The following TENM1 variants were observed in gnomAD, a reference collection of about 807,000 sequenced individuals.
TENM1 encodes the protein teneurin-1.
Under a neutral mutation model 174.8 loss-of-function variants are expected in TENM1, and 35 were observed. The observed-to-expected ratio is 0.20, with a 90% CI of 0.15 to 0.27. The LOEUF is 0.27. Among genes scored for constraint, TENM1 ranks in the 10% least tolerant of loss-of-function variants. The pLI is 1.00. For synonymous variants in TENM1, 781 were observed against 798.7 expected (o/e 0.98, Z 0.37); for missense variants, 1,633 against 2,130.1 (o/e 0.77, Z 4.59).
At chrX:124,390,557 C>G (rs2060271912) in intron 28 of TENM1, among the ~76,000 whole-genome samples, 1 of 111,838 alleles carries the variant, frequency 8.9e-6, no homozygotes, top group Non-Finnish European at 1.9e-5. Context: ...TGAGTGCAAT[C>G]CTACGTATGC....
intron 3 of TENM1, among the ~76,000 whole-genome samples, chrX:124,787,540 A>G (rs773700480): frequency 9.8e-5 from 11 of 111,684 alleles, no homozygotes; most frequent in Non-Finnish European, 2.1e-4. Context: ...CATCAAAAAG[A>G]TGTTGGAAAG....
intron 4 of TENM1, among the ~76,000 whole-genome samples, chrX:124,726,207 G>A (rs2053439946): frequency 8.9e-6 from 1 of 112,461 alleles, no homozygotes; most frequent in Non-Finnish European, 1.9e-5. Context: ...CTATGGTGAA[G>A]CATTCTTTCC....
chrX:124,931,767 T>C (rs1272853304), intron 1 of TENM1, among the ~76,000 whole-genome samples: 2 of 110,812 alleles, frequency 1.8e-5, no homozygotes, highest in Non-Finnish European at 3.8e-5. Flanking sequence ...TTATGTGCTA[T>C]ATTAAAATGT....
chrX:125,065,914 T>G, the TENM1 span, among the ~76,000 whole-genome samples: 1 of 111,950 alleles, frequency 8.9e-6, no homozygotes, highest in Admixed American at 9.5e-5. Context: ...ATTCTTGATC[T>G]GATTTCAGCT....
At chrX:124,448,012 C>G (rs1319196240) in intron 23 of TENM1, among the ~76,000 whole-genome samples, 1 of 111,471 alleles carries the variant, frequency 9.0e-6, no homozygotes, top group Admixed American at 9.6e-5. Flanking sequence ...CAAACTGAAC[C>G]CATCATCCAA....
intron 22 of TENM1, among the ~76,000 whole-genome samples, chrX:124,475,828 C>T (rs947475632): frequency 1.8e-5 from 2 of 111,308 alleles, no homozygotes; most frequent in South Asian, 3.9e-4. Flanking sequence ...TTATCAAAAA[C>T]GCATGCACAA....
intron 3 of TENM1, among the ~76,000 whole-genome samples, chrX:124,795,530 T>TA: frequency 8.9e-6 from 1 of 111,752 alleles, no homozygotes; most frequent in East Asian, 2.8e-4. Flanking sequence ...TAGTGGTAAA[T>TA]ATGATGGTAA....
At chrX:124,672,432 A>G (rs758717317) in intron 5 of TENM1, among the ~76,000 whole-genome samples, 51 of 111,663 alleles carry the variant, frequency 4.6e-4, no homozygotes, top group African/African-American at 1.3e-3. Flanking sequence ...CAGAAGATTA[A>G]AAAGTACCCA....
At chrX:125,199,866 G>A in the TENM1 span, among the ~76,000 whole-genome samples, 1 of 111,528 alleles carries the variant, frequency 9.0e-6, no homozygotes, top group African/African-American at 3.3e-5. Context: ...TTCAGTCTAT[G>A]CCATCATATT....
intron 24 of TENM1, among the ~76,000 whole-genome samples, chrX:124,421,337 G>A (rs1039962696): frequency 1.8e-5 from 2 of 112,272 alleles, no homozygotes; most frequent in African/African-American, 3.2e-5. Context: ...TGCTTTGACC[G>A]AAAGATACAA....
chrX:124,698,259 A>G (rs1345105385), intron 5 of TENM1, among the ~76,000 whole-genome samples: 1 of 110,663 alleles, frequency 9.0e-6, no homozygotes, highest in African/African-American at 3.3e-5. Context: ...TGTTCTAGGT[A>G]TCTCTACCTG....
At chrX:124,820,039 G>A (rs1327816929) in intron 3 of TENM1, among the ~76,000 whole-genome samples, 4 of 110,358 alleles carry the variant, frequency 3.6e-5, no homozygotes, top group African/African-American at 1.3e-4. Flanking sequence ...CACCTACCTC[G>A]GCCTCCCAAA....
chrX:125,072,841 A>G, the TENM1 span, among the ~76,000 whole-genome samples: 1 of 111,809 alleles, frequency 8.9e-6, no homozygotes, highest in African/African-American at 3.2e-5. Context: ...CATTCACATA[A>G]TAATATTATG....
chrX:124,383,620 A>T lies in TENM1; in HGVS notation c.7297+14T>A, dbSNP rs145074520. On this transcript the variant is annotated intron_variant, in intron 30 of 31. Transcript: ENST00000422452. ...TACTCAAGTTTAGCTTAAAGTTTTA[A>T]ATAGTTTAAATACCTGTGGTATACT... 4 of 1,187,236 alleles carry T rather than the reference A, an allele frequency of 3.4e-6. No homozygotes were observed. In the South Asian group the frequency reaches 7.4e-5, roughly 22 times the overall value.
Position 124,788,371 on chromosome X carries a change from G to A in TENM1, c.536-51174C>T, listed in dbSNP as rs146645937. Among the ~76,000 whole-genome samples, 84 of 111,276 alleles carry A rather than the reference G, an allele frequency of 7.5e-4. No homozygotes were observed. The East Asian group carries it at 0.022, about 29-fold the overall frequency. ...CTGTACCTGGCCTCTCCCAAATCTC[G>A]TATTTTCACATTTCAAAACCAATCA... On this transcript the variant is annotated intron_variant, in intron 3 of 31. Coordinates refer to ENST00000422452, the Ensembl canonical transcript of TENM1.
At chrX:125,155,531 C>A in the TENM1 span, among the ~76,000 whole-genome samples, 1 of 104,563 alleles carries the variant, frequency 9.6e-6, no homozygotes, top group Non-Finnish European at 1.9e-5. Flanking sequence ...TGGCGCTCGT[C>A]GGGGAGACTC....
chrX:125,033,888 C>T, the TENM1 span, among the ~76,000 whole-genome samples: 1 of 111,876 alleles, frequency 8.9e-6, no homozygotes, highest in Non-Finnish European at 1.9e-5. Flanking sequence ...AATAACATGA[C>T]ATATTTTTAT....
chrX:124,980,455 A>T, the TENM1 span, among the ~76,000 whole-genome samples: 1 of 111,338 alleles, frequency 9.0e-6, no homozygotes, highest in Non-Finnish European at 1.9e-5. Context: ...AACCCATTGT[A>T]AAGCTGAAAA....
At position 124,497,011 on chromosome X, in the gene TENM1, C is replaced by T; in HGVS notation, c.3695+5G>A. On this transcript the variant is annotated splice_donor_5th_base_variant and intron_variant, in intron 20 of 31. Transcript: ENST00000422452. Reference sequence around the variant, plus strand: ...GCAAATATATAGAGATTAGAGAAGACTTACCTTAATTCCAAAATACTAACG... The same window carrying T: ...GCAAATATATAGAGATTAGAGAAGATTTACCTTAATTCCAAAATACTAACG... 1 of 1,208,526 alleles carries T rather than the reference C, an allele frequency of 8.3e-7. No individual in the cohort carries two copies. The highest frequency in any genetic ancestry group is 1.1e-6 in the Non-Finnish European group (1 of 893,108).
Sources: allele counts gnomAD v4.1 joint callset (sites outside exome capture counted in the v4.1 genomes callset), GRCh38; gene constraint gnomAD v4.1.1; transcripts MANE v1.5; gene names NCBI Gene and HGNC (gene_info 2026-07-23, HGNC 2026-07-21).